The following INPP4B variants were observed in gnomAD, a reference collection of about 807,000 sequenced individuals.
INPP4B encodes inositol polyphosphate 4-phosphatase type II.
INPP4B carries 55 observed loss-of-function variants against 122.5 expected under a neutral mutation model. The observed-to-expected ratio is 0.45, with a 90% CI of 0.36 to 0.56. The LOEUF is 0.56. Among genes scored for constraint, INPP4B ranks in the 20% least tolerant of loss-of-function variants. INPP4B has a pLI of 0.00. For missense variants in INPP4B, 1,000 were observed against 1,097.7 expected, an observed-to-expected ratio of 0.91 and a Z score of 1.26; for synonymous variants, 403 against 388.7, an observed-to-expected ratio of 1.04 and a Z score of -0.43.
intron 1 of INPP4B, among the ~76,000 whole-genome samples, chr4:142,779,675 T>C (rs1446403185): frequency 6.6e-6 from 1 of 152,012 alleles, no homozygotes; most frequent in African/African-American, 2.4e-5. Context: ...CAGGTTCTTG[T>C]TCCATCTAAG....
chr4:142,247,868 T>C (rs940472457), intron 11 of INPP4B, among the ~76,000 whole-genome samples: 2 of 152,200 alleles, frequency 1.3e-5, no homozygotes, highest in African/African-American at 2.4e-5. Context: ...TAATTATATT[T>C]GAAAATCTTT....
At chr4:142,060,864 C>G (rs142865123) in intron 25 of INPP4B, among the ~76,000 whole-genome samples, 27 of 152,232 alleles carry the variant, frequency 1.8e-4, no homozygotes, top group African/African-American at 6.3e-4. Flanking sequence ...AACAGGCAGA[C>G]ATTTGCCTTA....
intron 2 of INPP4B, among the ~76,000 whole-genome samples, chr4:142,568,895 G>A (rs570975412): frequency 6.6e-6 from 1 of 152,228 alleles, no homozygotes; most frequent in African/African-American, 2.4e-5. Context: ...GAACAAATTA[G>A]TATGGTAATT....
intron 15 of INPP4B, among the ~76,000 whole-genome samples, chr4:142,189,058 TC>T (rs1834544604): frequency 6.6e-6 from 1 of 152,228 alleles, no homozygotes; most frequent in Non-Finnish European, 1.5e-5. Context: ...GCAAAAAGTC[TC>T]CTATTTATAA....
rs540830781 is a variant in INPP4B at position 142,378,725 on chromosome 4, CCTTA to C, written c.372+24209_372+24212del. ...TGAGCCTAGGATTTAAAGTTTAAAGCCTTACTTAATGTACATATACATACAATTT... is the reference window on the plus strand; with the variant it reads ...TGAGCCTAGGATTTAAAGTTTAAAGCCTTAATGTACATATACATACAATTT... On this transcript the variant is annotated intron_variant, in intron 7 of 25. Coordinates refer to ENST00000262992, the MANE Select transcript of INPP4B (RefSeq NM_001101669.3). Among the ~76,000 whole-genome samples the C allele has an allele frequency of 1.8e-4, 28 of 152,186 alleles. No individual in the cohort carries two copies. In the East Asian group the frequency reaches 5.4e-3, roughly 29 times the overall value.
chr4:142,195,348 A>G (rs1026701280), intron 14 of INPP4B, among the ~76,000 whole-genome samples: 2 of 152,204 alleles, frequency 1.3e-5, no homozygotes, highest in African/African-American at 4.8e-5. Context: ...AGTTCCAGAG[A>G]TATGCTGTAT....
intron 2 of INPP4B, among the ~76,000 whole-genome samples, chr4:142,711,635 C>T (rs1763127781): frequency 6.6e-6 from 1 of 152,120 alleles, no homozygotes; most frequent in South Asian, 2.1e-4. Context: ...TGAATGTGTC[C>T]CCACAAAATG....
rs191170643 is a variant in INPP4B, at chr4:142,435,316, A to G, written c.-126-3931T>C. 6.2e-4 allele frequency among the ~76,000 whole-genome samples: 94 copies of G among 152,290 alleles called. No homozygotes were observed. In the East Asian group the frequency reaches 0.014, roughly 22 times the overall value. On this transcript the variant is annotated intron_variant, in intron 3 of 25. Coordinates refer to ENST00000262992, the MANE Select transcript of INPP4B (RefSeq NM_001101669.3). ...CTTAGTGAGTGCTTATCATGACCAAAATATGAAGGGAAAAAAAAGTCCTTT... is the reference window on the plus strand; with the variant it reads ...CTTAGTGAGTGCTTATCATGACCAAGATATGAAGGGAAAAAAAAGTCCTTT...
chr4:142,093,154 G>A (rs1780318446), intron 23 of INPP4B, among the ~76,000 whole-genome samples: 1 of 152,116 alleles, frequency 6.6e-6, no homozygotes, highest in Admixed American at 6.5e-5. Flanking sequence ...CAAGCCACAT[G>A]GAAGGTCTTG....
At chr4:142,145,231 A>G (rs1260356849) in intron 18 of INPP4B, among the ~76,000 whole-genome samples, 1 of 152,138 alleles carries the variant, frequency 6.6e-6, no homozygotes, top group Admixed American at 6.6e-5. Context: ...CTATCTGCCT[A>G]CCTACCCACC....
intron 2 of INPP4B, among the ~76,000 whole-genome samples, chr4:142,694,377 A>C (rs1182973922): frequency 6.6e-6 from 1 of 151,886 alleles, no homozygotes; most frequent in Non-Finnish European, 1.5e-5. Flanking sequence ...GTCTCAAAAA[A>C]AAAAAACAAA....
chr4:142,108,193 AC>A lies in INPP4B; in HGVS notation c.2277-4del, dbSNP rs765825061. On this transcript the variant is annotated splice_polypyrimidine_tract_variant and splice_region_variant and intron_variant, in intron 22 of 25. Transcript: ENST00000262992. ...CTTGCAAAGAGACATCTCCAAACCT[AC>A]AAACAGAAAAAAGAAAACAGCTGTG... 83 of 1,554,058 alleles carry A rather than the reference AC, an allele frequency of 5.3e-5. No individual in the cohort carries two copies. The African/African-American group carries it at 9.9e-4, about 19-fold the overall frequency.
chr4:142,772,625 C>G (rs1039159822), intron 1 of INPP4B, among the ~76,000 whole-genome samples: 1 of 151,980 alleles, frequency 6.6e-6, no homozygotes, highest in African/African-American at 2.4e-5. Context: ...CAACACAAAC[C>G]CAACAGTAAA....
intron 2 of INPP4B, among the ~76,000 whole-genome samples, chr4:142,645,937 T>C (rs1751682860): frequency 6.6e-6 from 1 of 152,192 alleles, no homozygotes; most frequent in Non-Finnish European, 1.5e-5. Context: ...AGGCTGGGAC[T>C]TTAATGAAAA....
intron 15 of INPP4B, among the ~76,000 whole-genome samples, chr4:142,177,906 T>C (rs536655263): frequency 6.6e-6 from 1 of 152,286 alleles, no homozygotes; most frequent in South Asian, 2.1e-4. Context: ...TCTTCCTTAT[T>C]TTCCTATCCT....
intron 2 of INPP4B, among the ~76,000 whole-genome samples, chr4:142,710,635 C>T (rs924932709): frequency 6.6e-6 from 1 of 152,130 alleles, no homozygotes; most frequent in Non-Finnish European, 1.5e-5. Context: ...TTTGTGTCTA[C>T]CAAGCTTCAT....
At chr4:142,672,703 C>A (rs1015620016) in intron 2 of INPP4B, among the ~76,000 whole-genome samples, 4 of 152,068 alleles carry the variant, frequency 2.6e-5, no homozygotes, top group African/African-American at 9.7e-5. Flanking sequence ...CCTTTTAATT[C>A]TCTTAATAAT....
At chr4:142,331,751 G>A (rs1774592108) in intron 7 of INPP4B, among the ~76,000 whole-genome samples, 1 of 152,152 alleles carries the variant, frequency 6.6e-6, no homozygotes, top group African/African-American at 2.4e-5. Context: ...TGACATATTT[G>A]TGCTCCAGGG....
intron 25 of INPP4B, among the ~76,000 whole-genome samples, chr4:142,056,615 G>A (rs1560962950): frequency 6.6e-6 from 1 of 152,070 alleles, no homozygotes; most frequent in Non-Finnish European, 1.5e-5. Context: ...ATAAGATTGA[G>A]GCCTCAGAAA....
Sources: allele counts gnomAD v4.1 joint callset (sites outside exome capture counted in the v4.1 genomes callset), GRCh38; gene constraint gnomAD v4.1.1; transcripts MANE v1.5; gene names NCBI Gene and HGNC (gene_info 2026-07-23, HGNC 2026-07-21).